The following NALF1 variants were observed in gnomAD, a reference collection of about 807,000 sequenced individuals.
NALF1 encodes NALCN channel auxiliary factor 1.
In NALF1, 3 loss-of-function variants were observed where a neutral mutation model predicts 48.4. The observed-to-expected ratio is 0.06, with a 90% confidence interval of 0.03 to 0.16. NALF1 has a LOEUF of 0.16. Among genes scored for constraint, NALF1 ranks in the 10% least tolerant of loss-of-function variants. NALF1 has a pLI of 1.00. For missense variants in NALF1, 526 were observed against 571.5 expected (o/e 0.92, Z 0.81); for synonymous variants, 262 against 245.7 (o/e 1.07, Z -0.62).
At chr13:107,181,642 G>T (rs1435578872) in intron 2 of NALF1, among the ~76,000 whole-genome samples, 9 of 126,072 alleles carry the variant, frequency 7.1e-5, no homozygotes, top group East Asian at 2.2e-4. Context: ...TGTTAGTATT[G>T]GATAACCATG....
chr13:107,752,979 T>C (rs936348633), intron 1 of NALF1, among the ~76,000 whole-genome samples: 2 of 152,198 alleles, frequency 1.3e-5, no homozygotes, highest in African/African-American at 2.4e-5. Context: ...TTACCAACTT[T>C]GTTGTTATGA....
chr13:107,605,230 T>C lies in NALF1; in HGVS notation c.915+260452A>G, dbSNP rs562458498. Among the ~76,000 whole-genome samples the C allele has an allele frequency of 3.3e-5, 5 of 152,312 alleles. No individual in the cohort carries two copies. The East Asian group carries it at 9.7e-4, about 29-fold the overall frequency. ...ACAATCACATTAATAATATTCTGTG[T>C]TTTCCTTAAGTCAGAATTCTAAGAA... On this transcript the variant is annotated intron_variant, in intron 1 of 2. Transcript: ENST00000375915.
At chr13:107,432,064 A>C (rs1339288062) in intron 1 of NALF1, among the ~76,000 whole-genome samples, 1 of 152,198 alleles carries the variant, frequency 6.6e-6, no homozygotes, top group Non-Finnish European at 1.5e-5. Flanking sequence ...ACAGTTCTGC[A>C]GGCTGTCCAG....
intron 1 of NALF1, among the ~76,000 whole-genome samples, chr13:107,812,138 T>C (rs1475609440): frequency 6.6e-6 from 1 of 152,106 alleles, no homozygotes; most frequent in Non-Finnish European, 1.5e-5. Flanking sequence ...TGAAGTTCCA[T>C]GAAAAACTAA....
intron 1 of NALF1, among the ~76,000 whole-genome samples, chr13:107,746,402 A>G (rs1459295521): frequency 6.6e-6 from 1 of 152,198 alleles, no homozygotes; most frequent in Non-Finnish European, 1.5e-5. Flanking sequence ...CTATATATAT[A>G]TTGTGTTGGA....
chr13:107,666,020 C>A (rs897954348), intron 1 of NALF1, among the ~76,000 whole-genome samples: 2 of 151,988 alleles, frequency 1.3e-5, no homozygotes, highest in African/African-American at 4.8e-5. Context: ...TCACAAAATG[C>A]CAAATTAGAT....
chr13:107,593,759 A>G (rs1878662508), intron 1 of NALF1, among the ~76,000 whole-genome samples: 1 of 151,830 alleles, frequency 6.6e-6, no homozygotes, highest in Admixed American at 6.6e-5. Context: ...GCATATCTAG[A>G]AAAATATCAA....
intron 1 of NALF1, among the ~76,000 whole-genome samples, chr13:107,212,794 C>A (rs762534453): frequency 1.3e-5 from 2 of 152,116 alleles, no homozygotes; most frequent in Non-Finnish European, 2.9e-5. Flanking sequence ...GCAGGATAGG[C>A]TTATACCTGC....
intron 1 of NALF1, among the ~76,000 whole-genome samples, chr13:107,630,020 T>C (rs1441812124): frequency 6.6e-6 from 1 of 152,136 alleles, no homozygotes; most frequent in African/African-American, 2.4e-5. Context: ...CATCTATCTC[T>C]CTCTCTTCTA....
intron 1 of NALF1, among the ~76,000 whole-genome samples, chr13:107,647,471 A>G (rs993368257): frequency 6.6e-6 from 1 of 151,962 alleles, no homozygotes; most frequent in Non-Finnish European, 1.5e-5. Flanking sequence ...TCGAAAAAAA[A>G]AAAAAACTTA....
intron 1 of NALF1, among the ~76,000 whole-genome samples, chr13:107,728,575 T>G (rs1306958173): frequency 6.6e-6 from 1 of 151,550 alleles, no homozygotes; most frequent in Non-Finnish European, 1.5e-5. Context: ...GACAAATACC[T>G]AATGCATGCG....
intron 1 of NALF1, among the ~76,000 whole-genome samples, chr13:107,370,336 T>C (rs117879982): frequency 0.013 from 1,946 of 152,286 alleles, 88 homozygotes; most frequent in East Asian, 0.047. Context: ...CTTGGAAAGA[T>C]ACTCAAGTTT....
At chr13:107,711,781 C>G (rs1317366092) in intron 1 of NALF1, among the ~76,000 whole-genome samples, 1 of 152,198 alleles carries the variant, frequency 6.6e-6, no homozygotes, top group African/African-American at 2.4e-5. Context: ...AAGACTACTT[C>G]TAAAAACTAC....
chr13:107,722,642 G>T (rs1346019952), intron 1 of NALF1, among the ~76,000 whole-genome samples: 1 of 152,172 alleles, frequency 6.6e-6, no homozygotes, highest in Non-Finnish European at 1.5e-5. Context: ...GACAGTGAGG[G>T]AGAAAGGCTT....
intron 1 of NALF1, among the ~76,000 whole-genome samples, chr13:107,781,292 A>T (rs1327517251): frequency 6.6e-6 from 1 of 152,220 alleles, no homozygotes; most frequent in East Asian, 1.9e-4. Flanking sequence ...AAGGTAAAAC[A>T]GGGTGCTATA....
At chr13:107,690,290 A>C (rs1408098462) in intron 1 of NALF1, among the ~76,000 whole-genome samples, 1 of 152,220 alleles carries the variant, frequency 6.6e-6, no homozygotes, top group Admixed American at 6.5e-5. Flanking sequence ...TTTACAATTC[A>C]AAAAGAAAAG....
At chr13:107,542,325 G>T (rs886829285) in intron 1 of NALF1, among the ~76,000 whole-genome samples, 1 of 152,026 alleles carries the variant, frequency 6.6e-6, no homozygotes, top group South Asian at 2.1e-4. Flanking sequence ...TCAGGCTGGT[G>T]GGGGAGGGGG....
intron 1 of NALF1, among the ~76,000 whole-genome samples, chr13:107,420,671 T>A (rs9587387): frequency 6.6e-6 from 1 of 151,994 alleles, no homozygotes; most frequent in Non-Finnish European, 1.5e-5. Flanking sequence ...GAAGAAGCAA[T>A]CATACATATA....
intron 1 of NALF1, among the ~76,000 whole-genome samples, chr13:107,791,135 T>C (rs1878219436): frequency 6.6e-6 from 1 of 152,232 alleles, no homozygotes; most frequent in African/African-American, 2.4e-5. Context: ...GTAAAGTTAC[T>C]AATATTCAGG....
Sources: gnomAD v4.1 joint callset for allele counts (sites outside exome capture counted in the v4.1 genomes callset) on GRCh38, gnomAD v4.1.1 for gene constraint, MANE v1.5 for transcripts, NCBI Gene and HGNC (gene_info 2026-07-23, HGNC 2026-07-21) for gene names.